Variants in MX2 observed in about 807,000 individuals in gnomAD.
The protein encoded by MX2 is MX dynamin like GTPase 2.
In MX2, 51 loss-of-function variants were observed where a neutral mutation model predicts 74.0. That is an observed-to-expected ratio of 0.69 (90% confidence interval 0.55 to 0.87). The LOEUF is 0.87. Ranked by LOEUF, MX2 falls within the 40% of genes least tolerant of loss-of-function variation. The pLI is 0.00. For synonymous variants in MX2, 369 were observed against 339.3 expected, an observed-to-expected ratio of 1.09 and a Z score of -0.96; for missense variants, 832 against 908.7, an observed-to-expected ratio of 0.92 and a Z score of 1.09.
At chr21:41,397,523 A>C (rs1235902759) in intron 7 of MX2, 90 bp from the exon 8 acceptor site, 1 of 1,144,120 alleles carries the variant, frequency 8.7e-7, no homozygotes. Flanking sequence ...TGCCCCGGGG[A>C]GCTGGGCTCA....
At position 41,398,906 on chromosome 21, in the gene MX2, C is replaced by T; in HGVS notation, c.1159C>T (p.Pro387Ser). ...CAATTGTTTTGTTTAGAAATCGCTC[C>T]CGTTGTTAGAAGGACAAATAAGGGA... ...ELIMHIQKSLPLLEGQIRESH... is the reference protein window; with the variant it reads ...ELIMHIQKSLSLLEGQIRESH... Residue 387 changes from proline to serine, a missense_variant, in exon 9 of 14, where the codon CCG (proline) becomes TCG (serine). Pro to Ser is a moderately conservative substitution (Grantham distance 74). Transcript: ENST00000330714. The T allele has an allele frequency of 6.2e-7, 1 of 1,612,830 alleles. No individual in the cohort carries two copies. The highest frequency in any genetic ancestry group is 8.5e-7 in the Non-Finnish European group (1 of 1,179,168).
rs2089265779 is a variant in MX2, at chr21:41,366,352, T to C, written c.-72+4297T>C. 6.6e-6 allele frequency: 1 copy of C among 152,258 alleles called. No homozygotes were observed. The highest frequency in any genetic ancestry group is 1.5e-5 in the Non-Finnish European group (1 of 68,054). 9.4% of individuals were successfully genotyped at this position (152,258 alleles called of 1,614,324 possible). A position where few individuals can be genotyped will look rare whatever the true frequency, so the allele number is the denominator to read the frequency against. On this transcript the variant is annotated intron_variant, in intron 1 of 13. Coordinates refer to ENST00000330714, the MANE Select transcript of MX2 (RefSeq NM_002463.2). This position sits in a 1 kb window ranked among gnomAD's most constrained non-coding sequence, Gnocchi z 4.5. ...GTGTGCTAGTCCATTTGTGTCACGA[T>C]AGAGGTAAACCTGAGACTGAGTAAC... is the stretch of plus-strand genomic sequence containing the variant.
intron 8 of MX2, among the ~76,000 whole-genome samples, 169 bp downstream of exon 8, chr21:41,397,860 G>A (rs1462457203): frequency 6.6e-6 from 1 of 152,130 alleles, no homozygotes; most frequent in Non-Finnish European, 1.5e-5. Flanking sequence ...CTTCCAAATT[G>A]GGGAAGCAAC....
chr21:41,378,022 C>G (rs374286788), intron 3 of MX2, 41 bp downstream of exon 3: 4 of 1,588,196 alleles, frequency 2.5e-6, no homozygotes, highest in Non-Finnish European at 8.6e-7. Context: ...GCAAGCAGCG[C>G]CACCTGTAAG....
intron 6 of MX2, among the ~76,000 whole-genome samples, chr21:41,391,315 C>CT (rs1214627989): frequency 2.0e-5 from 3 of 151,734 alleles, no homozygotes; most frequent in South Asian, 4.2e-4. Flanking sequence ...CTTAGTACTA[C>CT]TTTTTAATAG....
intron 6 of MX2, among the ~76,000 whole-genome samples, chr21:41,394,203 T>C (rs1420120049): frequency 6.6e-6 from 1 of 152,198 alleles, no homozygotes; most frequent in Non-Finnish European, 1.5e-5. Flanking sequence ...CTCACATGCA[T>C]ATAAACCCCG....
chr21:41,385,520 T>G (rs2089559449), intron 5 of MX2, among the ~76,000 whole-genome samples: 1 of 152,226 alleles, frequency 6.6e-6, no homozygotes, highest in Admixed American at 6.5e-5. Flanking sequence ...TGCTCCTCCC[T>G]TCCATCATGC....
rs573707359 is a variant in MX2 at position 41,397,525 on chromosome 21, C to T, written c.1071-88C>T. 6 of 1,198,652 alleles carry T rather than the reference C, an allele frequency of 5.0e-6. No individual in the cohort carries two copies. The African/African-American group carries it at 9.0e-5, about 18-fold the overall frequency. The allele number at this position is 1,198,652 out of a possible 1,614,324, so 74.3% of individuals were successfully genotyped here. ...TGATGGCACGTGTTGCCCCGGGGAGCTGGGCTCACCTACCACGCACAAAGT... is the reference window on the plus strand; with the variant it reads ...TGATGGCACGTGTTGCCCCGGGGAGTTGGGCTCACCTACCACGCACAAAGT... On this transcript the variant is annotated intron_variant, in intron 7 of 13. Coordinates refer to ENST00000330714, the MANE Select transcript of MX2 (RefSeq NM_002463.2).
chr21:41,369,203 G>T (rs1162387081), intron 1 of MX2, among the ~76,000 whole-genome samples: 4 of 152,220 alleles, frequency 2.6e-5, no homozygotes, highest in Non-Finnish European at 5.9e-5. Context: ...GGTGCAGGAG[G>T]CCTGTGGACC....
chr21:41,391,503 C>T (rs528932715), intron 6 of MX2, among the ~76,000 whole-genome samples: 99 of 152,142 alleles, frequency 6.5e-4, no homozygotes, highest in African/African-American at 2.1e-3. Context: ...CTGCCTCAGC[C>T]TCCCAAGTAG....
chr21:41,381,200 A>G (rs937349794), intron 4 of MX2, among the ~76,000 whole-genome samples: 6 of 152,190 alleles, frequency 3.9e-5, no homozygotes, highest in African/African-American at 1.4e-4. Context: ...CTAACTTCAA[A>G]TTGCAAAAGG....
rs1205523565 is a variant in MX2 at position 41,408,272 on chromosome 21, C to T, written c.*39C>T. ...CTGTGGTTGTTTTCTTGTGCGTACT[C>T]ATTCATTCTAAGGGGAGTCGGTGCA... On this transcript the variant is annotated 3_prime_UTR_variant, in exon 14 of 14. Transcript: ENST00000330714. The T allele has an allele frequency of 6.2e-7, 1 of 1,606,338 alleles. No individual in the cohort carries two copies. The highest frequency in any genetic ancestry group is 8.5e-7 in the Non-Finnish European group (1 of 1,175,644).
intron 3 of MX2, 76 bp from the exon 4 acceptor site, chr21:41,379,941 C>T (rs899303311): frequency 1.1e-5 from 18 of 1,567,804 alleles, no homozygotes; most frequent in African/African-American, 2.7e-5. Flanking sequence ...GACAGCAGGG[C>T]AGGTTCTGGG....
chr21:41,371,506 G>C lies in MX2; in HGVS notation c.-71-5330G>C, dbSNP rs188372795. ...AAAAGTCTGGCCGGCATTTCCTCTG[G>C]CTGGCATTTCCTTTGGGCACGAGAC... On this transcript the variant is annotated intron_variant, in intron 1 of 13. Transcript: ENST00000330714. Among the ~76,000 whole-genome samples the C allele has an allele frequency of 2.0e-5, 3 of 152,276 alleles. No individual in the cohort carries two copies. In the South Asian group the frequency reaches 6.2e-4, roughly 32 times the overall value.
Position 41,376,867 on chromosome 21 carries a change from G to T in MX2, c.-40G>T. 1.2e-6 allele frequency: 2 copies of T among 1,606,552 alleles called. No individual in the cohort carries two copies. Among genetic ancestry groups the T allele is most frequent in the Non-Finnish European group, 8.5e-7 (1 of 1,175,422 alleles). On this transcript the variant is annotated 5_prime_UTR_variant, in exon 2 of 14. Coordinates refer to ENST00000330714, the MANE Select transcript of MX2 (RefSeq NM_002463.2). ...TCAGGAAGATCGGAGGTGCCAAGTA[G>T]CAGAGAAAGCATCCCCCAGCTCTGA...
chr21:41,373,746 CAG>C, intron 1 of MX2, among the ~76,000 whole-genome samples: 2 of 141,660 alleles, frequency 1.4e-5, no homozygotes, highest in Non-Finnish European at 3.0e-5. Context: ...ACTTCAAAGA[CAG>C]AAAGAGAGCT....
chr21:41,367,057 AG>A (rs1036827860), intron 1 of MX2: 2 of 152,232 alleles, frequency 1.3e-5, no homozygotes, highest in African/African-American at 4.8e-5. Context: ...GTGAGAACTA[AG>A]GGCCGCTCTG....
At chr21:41,392,528 G>A (rs2089674106) in intron 6 of MX2, among the ~76,000 whole-genome samples, 1 of 152,190 alleles carries the variant, frequency 6.6e-6, no homozygotes, top group Non-Finnish European at 1.5e-5. Context: ...GTGGGAAATT[G>A]TTGTTCAATG....
In MX2 at chr21:41,388,897, G is replaced by A. The variant is rs1379098400; in HGVS notation, c.733-1668G>A. Reference sequence around the variant, plus strand: ...GGTAGGGTTTGCTAGTGGTTTGGATGCTACCGGTATCCAGTGGGTAAAGGC... The same window carrying A: ...GGTAGGGTTTGCTAGTGGTTTGGATACTACCGGTATCCAGTGGGTAAAGGC... On this transcript the variant is annotated intron_variant, in intron 5 of 13. Transcript: ENST00000330714. This position sits in a 1 kb window ranked among gnomAD's most constrained non-coding sequence, Gnocchi z 4.0. 1.3e-5 allele frequency among the ~76,000 whole-genome samples: 2 copies of A among 152,174 alleles called. No individual in the cohort carries two copies. The highest frequency in any genetic ancestry group is 2.1e-4 in the South Asian group (1 of 4,826).
Sources: gnomAD v4.1 joint callset for allele counts (sites outside exome capture counted in the v4.1 genomes callset) on GRCh38, gnomAD v4.1.1 for gene constraint, Gnocchi (gnomAD v3.1) non-coding constraint, MANE v1.5 for transcripts, NCBI Gene and HGNC (gene_info 2026-07-23, HGNC 2026-07-21) for gene names.